Variants in MACROD2 observed in about 807,000 individuals in gnomAD.
MACROD2 encodes the protein ADP-ribose glycohydrolase MACROD2.
MACROD2 carries 36 observed loss-of-function variants against 70.4 expected under a neutral mutation model. The ratio of observed to expected loss-of-function variants is 0.51; its 90% CI spans 0.39 to 0.68. The LOEUF (loss-of-function observed/expected upper bound fraction) is 0.68. Among genes scored for constraint, MACROD2 ranks in the 30% least tolerant of loss-of-function variants. MACROD2 has a pLI of 0.00. For missense variants in MACROD2, 496 were observed against 538.4 expected (o/e 0.92, Z 0.78); for synonymous variants, 172 against 178.8 (o/e 0.96, Z 0.30).
intron 17 of MACROD2, among the ~76,000 whole-genome samples, chr20:16,047,153 C>T (rs1568734995): frequency 6.6e-6 from 1 of 152,138 alleles, no homozygotes; most frequent in East Asian, 1.9e-4. Flanking sequence ...TGTGCAACGT[C>T]ACTGACTCCC....
At chr20:14,219,172 A>G (rs2081648679) in intron 3 of MACROD2, among the ~76,000 whole-genome samples, 1 of 152,154 alleles carries the variant, frequency 6.6e-6, no homozygotes, top group African/African-American at 2.4e-5. Flanking sequence ...AACACTGATT[A>G]TTTTTAGGTT....
intron 15 of MACROD2, among the ~76,000 whole-genome samples, chr20:15,991,895 C>T (rs2066563691): frequency 1.3e-5 from 2 of 151,974 alleles, no homozygotes; most frequent in African/African-American, 4.8e-5. Context: ...AATGAAATTC[C>T]TCATATTGGT....
rs373587816 is a variant in MACROD2 at position 14,669,851 on chromosome 20, G to A, written c.302-14992G>A. On this transcript the variant is annotated intron_variant, in intron 4 of 17. Transcript: ENST00000684519. ...GGCACAATCTGTGCCTTGCAACTAC[G>A]CCTATCATTTCCTCTTTACTTAAGG... Among the ~76,000 whole-genome samples, 8 of 151,730 alleles carry A rather than the reference G, an allele frequency of 5.3e-5. No homozygotes were observed. The East Asian group carries it at 1.2e-3, about 22-fold the overall frequency.
chr20:15,122,559 G>C lies in MACROD2; in HGVS notation c.419-107381G>C, dbSNP rs529072656. On this transcript the variant is annotated intron_variant, in intron 5 of 17. Transcript: ENST00000684519. Reference sequence around the variant, plus strand: ...ATTGGAGGATAGAAATAACTGTTTTGTTTTATTTTTTACTTAAGGTGTAAT... The same window carrying C: ...ATTGGAGGATAGAAATAACTGTTTTCTTTTATTTTTTACTTAAGGTGTAAT... Among the ~76,000 whole-genome samples, 6 of 152,286 alleles carry C rather than the reference G, an allele frequency of 3.9e-5. No individual in the cohort carries two copies. The East Asian group carries it at 1.2e-3, about 29-fold the overall frequency.
intron 8 of MACROD2, among the ~76,000 whole-genome samples, chr20:15,603,297 G>A (rs923055370): frequency 6.6e-6 from 1 of 151,600 alleles, no homozygotes; most frequent in Admixed American, 6.6e-5. Flanking sequence ...TCAGGAGTTC[G>A]AGACCAGCCT....
intron 8 of MACROD2, among the ~76,000 whole-genome samples, chr20:15,567,441 G>A (rs12481223): frequency 0.048 from 7,270 of 152,106 alleles, 300 homozygotes; most frequent in East Asian, 0.16. Context: ...GCCAGGACGC[G>A]CTGCCAACAC....
At chr20:14,311,963 T>G (rs1555412) in intron 3 of MACROD2, among the ~76,000 whole-genome samples, 2,290 of 152,328 alleles carry the variant, frequency 0.015, 23 homozygotes, top group African/African-American at 0.027. Flanking sequence ...ATGCTCAAAT[T>G]GCCCTCAATC....
chr20:15,100,102 C>T (rs1186046021), intron 5 of MACROD2, among the ~76,000 whole-genome samples: 1 of 151,866 alleles, frequency 6.6e-6, no homozygotes, highest in Non-Finnish European at 1.5e-5. Context: ...TTTTCTTTCT[C>T]TCTTTCTTTT....
chr20:14,491,830 T>A (rs2123102044), intron 3 of MACROD2, among the ~76,000 whole-genome samples: 1 of 152,314 alleles, frequency 6.6e-6, no homozygotes, highest in African/African-American at 2.4e-5. Flanking sequence ...ATGTGAAAAT[T>A]GGAGGACAAC....
At chr20:16,012,787 A>G (rs1419711616) in intron 15 of MACROD2, among the ~76,000 whole-genome samples, 1 of 152,222 alleles carries the variant, frequency 6.6e-6, no homozygotes, top group East Asian at 1.9e-4. Context: ...GTGTGACAGA[A>G]GGCAGGAAGT....
intron 6 of MACROD2, among the ~76,000 whole-genome samples, chr20:15,336,844 GAT>G (rs560617556): frequency 1.3e-3 from 204 of 151,804 alleles, no homozygotes; most frequent in Middle Eastern, 3.4e-3. Flanking sequence ...GATTTCCCAA[GAT>G]ATTGCATGTG....
chr20:14,810,511 TC>T (rs1380630414), intron 5 of MACROD2, among the ~76,000 whole-genome samples: 2 of 152,060 alleles, frequency 1.3e-5, no homozygotes, highest in African/African-American at 4.8e-5. Flanking sequence ...CTGGAAGCAT[TC>T]CCTTCGAAAA....
At chr20:14,553,667 T>C (rs1271788079) in intron 4 of MACROD2, among the ~76,000 whole-genome samples, 1 of 152,156 alleles carries the variant, frequency 6.6e-6, no homozygotes, top group Non-Finnish European at 1.5e-5. Context: ...TATAATCTTA[T>C]GGGATCACCT....
At chr20:15,771,869 G>T (rs1004190236) in intron 8 of MACROD2, among the ~76,000 whole-genome samples, 4 of 143,952 alleles carry the variant, frequency 2.8e-5, no homozygotes, top group African/African-American at 8.1e-5. Flanking sequence ...CGGATCAAAA[G>T]GTCGGGAGAT....
At chr20:15,945,701 A>G (rs2065812912) in intron 12 of MACROD2, among the ~76,000 whole-genome samples, 1 of 152,164 alleles carries the variant, frequency 6.6e-6, no homozygotes, top group Non-Finnish European at 1.5e-5. Flanking sequence ...TTACTTTTAA[A>G]AAGTCATCAG....
At chr20:15,730,099 A>G (rs2050925214) in intron 8 of MACROD2, among the ~76,000 whole-genome samples, 1 of 152,096 alleles carries the variant, frequency 6.6e-6, no homozygotes, top group Non-Finnish European at 1.5e-5. Context: ...AAGTGTTGGG[A>G]TTACAGGCAT....
chr20:15,865,451 C>T (rs2064478960), intron 9 of MACROD2, among the ~76,000 whole-genome samples: 2 of 152,164 alleles, frequency 1.3e-5, no homozygotes, highest in African/African-American at 4.8e-5. Flanking sequence ...CCAGCCACAG[C>T]ATTCATTTCT....
At chr20:14,240,423 G>A (rs1180250796) in intron 3 of MACROD2, among the ~76,000 whole-genome samples, 4 of 152,102 alleles carry the variant, frequency 2.6e-5, no homozygotes, top group Non-Finnish European at 5.9e-5. Context: ...TAATTGCAAA[G>A]ACATGGAATT....
At chr20:14,199,682 T>A (rs2081462935) in intron 3 of MACROD2, among the ~76,000 whole-genome samples, 1 of 152,200 alleles carries the variant, frequency 6.6e-6, no homozygotes, top group South Asian at 2.1e-4. Context: ...TTATAAGCCA[T>A]TTCCATGTTC....
Sources: allele counts gnomAD v4.1 joint callset (sites outside exome capture counted in the v4.1 genomes callset), GRCh38; gene constraint gnomAD v4.1.1; transcripts MANE v1.5; gene names NCBI Gene and HGNC (gene_info 2026-07-23, HGNC 2026-07-21).